BCKDK: variants seen among roughly 807,000 people sequenced by gnomAD.
BCKDK encodes the protein branched chain keto acid dehydrogenase kinase, also known as branched-chain alpha-ketoacid dehydrogenase kinase.
BCKDK carries 28 observed loss-of-function variants against 43.9 expected under a neutral mutation model. The ratio of observed to expected loss-of-function variants is 0.64; its 90% CI spans 0.47 to 0.87. BCKDK has a LOEUF of 0.87. Ranked by LOEUF, BCKDK falls within the 40% of genes least tolerant of loss-of-function variation. BCKDK has a pLI of 0.00. For missense variants in BCKDK, 483 were observed against 581.4 expected, an observed-to-expected ratio of 0.83 and a Z score of 1.74; for synonymous variants, 257 against 234.3, an observed-to-expected ratio of 1.10 and a Z score of -0.88.
At chr16:31,116,457 A>C (rs191373749), downstream of BCKDK, among the ~76,000 whole-genome samples, 1,331 of 150,666 alleles carry the variant, frequency 8.8e-3, 14 homozygotes, top group African/African-American at 0.031. Context: ...TCGGCCTCTC[A>C]AAGTGCTGAG....
Position 31,110,435 on chromosome 16 carries a change from C to G in BCKDK, c.578C>G (p.Thr193Arg). Residue 193 changes from threonine (T) to arginine (R), a missense_variant, in exon 7 of 12, where the codon ACG (threonine) becomes AGG (arginine). Physicochemically the swap from Thr to Arg is moderately conservative, Grantham distance 71. Coordinates refer to ENST00000219794, the MANE Select transcript of BCKDK (RefSeq NM_005881.4). The surrounding 1 kb of genome is among the most constrained non-coding windows in gnomAD (Gnocchi z 5.4). ...EKLVRYFLDK[T>R]LTSRLGIRML... ...CTCGTCCGCTACTTCTTGGACAAGACGCTGACTTCGAGGCTTGGAATCCGC... is the reference window on the plus strand; with the variant it reads ...CTCGTCCGCTACTTCTTGGACAAGAGGCTGACTTCGAGGCTTGGAATCCGC... 6.2e-7 allele frequency: 1 copy of G among 1,613,920 alleles called. No individual in the cohort carries two copies. Among genetic ancestry groups the G allele is most frequent in the South Asian group, 1.1e-5 (1 of 91,084 alleles).
At chr16:31,114,228 T>C (rs1030518459), downstream of BCKDK, among the ~76,000 whole-genome samples, 1 of 151,918 alleles carries the variant, frequency 6.6e-6, no homozygotes, top group South Asian at 2.1e-4. Context: ...AAACGGAGTC[T>C]CAATCTGTTG....
In BCKDK at chr16:31,109,954, C is replaced by T. The variant is rs1052316770; in HGVS notation, c.376-123C>T. The T allele has an allele frequency of 4.8e-6, 7 of 1,456,998 alleles. No individual in the cohort carries two copies. Among genetic ancestry groups the T allele is most frequent in the Non-Finnish European group, 9.6e-7 (1 of 1,042,220 alleles). The allele number at this position is 1,456,998 out of a possible 1,614,324, so 90.3% of individuals were successfully genotyped here. ...GTGTATTCACGGAGCCTGGAAGGGT[C>T]GAAGTGGGGGTTTGATCACGTGGTC... On this transcript the variant is annotated intron_variant, in intron 4 of 11. Transcript: ENST00000219794. The surrounding 1 kb of genome is among the most constrained non-coding windows in gnomAD (Gnocchi z 5.3).
rs1438051281 is a variant in BCKDK, at chr16:31,109,400, C to T, written c.177C>T (p.Ile59=). The part of the protein sequence containing the change: ...TVTSFYNQSA[I]DAAAEKPSVR... ...CCTCCTTTTACAACCAGTCGGCCAT[C>T]GACGCGGCAGCGGAGAAGGTGCGCA... The change falls in exon 2 of 12, where the codon ATC becomes ATT. Residue 59 remains isoleucine (I), a synonymous_variant. Coordinates refer to ENST00000219794, the MANE Select transcript of BCKDK (RefSeq NM_005881.4). The surrounding 1 kb of genome is among the most constrained non-coding windows in gnomAD (Gnocchi z 5.3). 7 of 1,607,710 alleles carry T rather than the reference C, an allele frequency of 4.4e-6. No individual in the cohort carries two copies. Among genetic ancestry groups the T allele is most frequent in the Admixed American group, 1.7e-5 (1 of 59,640 alleles).
downstream of BCKDK, among the ~76,000 whole-genome samples, chr16:31,114,524 T>G (rs2057436058): frequency 1.3e-5 from 2 of 152,094 alleles, no homozygotes; most frequent in Admixed American, 1.3e-4. Flanking sequence ...GTTTCTTGAT[T>G]TGTAACCTCT....
chr16:31,112,019 C>T lies in BCKDK; in HGVS notation c.1086C>T (p.Pro362=). The change falls in exon 11 of 12, where the codon CCC becomes CCT. Residue 362 remains proline (P), a synonymous_variant. Transcript: ENST00000219794. This position sits in a 1 kb window ranked among gnomAD's most constrained non-coding sequence, Gnocchi z 5.0. The stretch of plus-strand genomic sequence containing the variant: ...TGCATAGTGGCGCCCAGTCAGGACC[C>T]ATGCACGGGTGAGACCCTGCCAGGC... ...LDMHSGAQSG[P]MHGFGFGLPT... is the part of the protein sequence containing the mutation. 1 of 1,614,082 alleles carries T rather than the reference C, an allele frequency of 6.2e-7. No homozygotes were observed.
Position 31,110,130 on chromosome 16 carries a change from T to G in BCKDK, c.423+6T>G. 5 of 1,614,082 alleles carry G rather than the reference T, an allele frequency of 3.1e-6. No homozygotes were observed. Among genetic ancestry groups the G allele is most frequent in the Non-Finnish European group, 4.2e-6 (5 of 1,180,006 alleles). On this transcript the variant is annotated splice_donor_region_variant and intron_variant, in intron 5 of 11. Transcript: ENST00000219794. The surrounding 1 kb of genome is among the most constrained non-coding windows in gnomAD (Gnocchi z 5.4). ...AGCTGACAGACTTCCCTCCGGTGAGTGCTGGGCCAGAGCAGGGTGAGGGGC... is the reference window on the plus strand; with the variant it reads ...AGCTGACAGACTTCCCTCCGGTGAGGGCTGGGCCAGAGCAGGGTGAGGGGC...
At position 31,109,938 on chromosome 16, in the gene BCKDK, C is replaced by T. The variant is rs942452459; in HGVS notation, c.376-139C>T. On this transcript the variant is annotated intron_variant, in intron 4 of 11. Coordinates refer to ENST00000219794, the MANE Select transcript of BCKDK (RefSeq NM_005881.4). The surrounding 1 kb of genome is among the most constrained non-coding windows in gnomAD (Gnocchi z 5.3). The stretch of plus-strand genomic sequence containing the variant: ...TTCAGAAGCCAAAGGTGTGTATTCA[C>T]GGAGCCTGGAAGGGTCGAAGTGGGG... The T allele has an allele frequency of 5.7e-5, 80 of 1,397,658 alleles. No individual in the cohort carries two copies. The highest frequency in any genetic ancestry group is 8.0e-5 in the Non-Finnish European group (79 of 992,676). The allele number at this position is 1,397,658 out of a possible 1,614,324, so 86.6% of individuals were successfully genotyped here.
chr16:31,112,792 C>T (rs1427418961), downstream of BCKDK: 1 of 214,632 alleles, frequency 4.7e-6, no homozygotes, highest in Non-Finnish European at 9.6e-6. The surrounding 1 kb of genome is among the most constrained non-coding windows in gnomAD (Gnocchi z 5.0). Context: ...TCTTGTTGAA[C>T]AAATGTTTCC....
At chr16:31,115,014 T>C (rs1288511214), downstream of BCKDK, among the ~76,000 whole-genome samples, 1 of 151,958 alleles carries the variant, frequency 6.6e-6, no homozygotes, top group African/African-American at 2.4e-5. Context: ...AACCTCCACC[T>C]CCTGGGTTCA....
Position 31,109,508 on chromosome 16 carries a change from T to C in BCKDK, c.196-3T>C. 1 of 1,614,102 alleles carries C rather than the reference T, an allele frequency of 6.2e-7. No individual in the cohort carries two copies. On this transcript the variant is annotated splice_region_variant and splice_polypyrimidine_tract_variant and intron_variant, in intron 2 of 11. Coordinates refer to ENST00000219794, the MANE Select transcript of BCKDK (RefSeq NM_005881.4). This position sits in a 1 kb window ranked among gnomAD's most constrained non-coding sequence, Gnocchi z 5.3. ...TCTGCTCAAGGCCTCTCTCCCTCTC[T>C]AGCCCTCAGTCCGCCTAACGCCCAC...
At position 31,110,286 on chromosome 16, in the gene BCKDK, T is replaced by C; in HGVS notation, c.505T>C (p.Leu169=). ...TGACCACAAGGATGTGGTGACCCTC[T>C]TGGCAGAGGGCCTACGTGAGAGCCG... ...LDDHKDVVTL[L]AEGLRESRKH... Residue 169 remains leucine (L), a synonymous_variant, in exon 6 of 12, where the codon TTG becomes CTG. Coordinates refer to ENST00000219794, the MANE Select transcript of BCKDK (RefSeq NM_005881.4). The surrounding 1 kb of genome is among the most constrained non-coding windows in gnomAD (Gnocchi z 5.4). 1 of 1,613,960 alleles carries C rather than the reference T, an allele frequency of 6.2e-7. No individual in the cohort carries two copies.
chr16:31,116,263 A>G (rs2057445175), downstream of BCKDK, among the ~76,000 whole-genome samples: 1 of 145,436 alleles, frequency 6.9e-6, no homozygotes, highest in South Asian at 2.2e-4. Flanking sequence ...CCCAGGCTGG[A>G]GTGCAATGGC....
chr16:31,109,823 C>T lies in BCKDK; in HGVS notation c.375+40C>T, dbSNP rs778821974. ...ACCTTAGGTCAGCGGGCCACCCTGC[C>T]CCGGGGGCAAGTGGGGAGTCTGGGG... On this transcript the variant is annotated intron_variant, in intron 4 of 11. Transcript: ENST00000219794. This position sits in a 1 kb window ranked among gnomAD's most constrained non-coding sequence, Gnocchi z 5.3. 6.3e-6 allele frequency: 10 copies of T among 1,597,078 alleles called. No homozygotes were observed. Among genetic ancestry groups the T allele is most frequent in the Non-Finnish European group, 3.4e-6 (4 of 1,165,472 alleles).
In BCKDK at chr16:31,112,341, G is replaced by A. The variant is rs915259921; in HGVS notation, c.*76G>A. On this transcript the variant is annotated 3_prime_UTR_variant, in exon 12 of 12. Coordinates refer to ENST00000219794, the MANE Select transcript of BCKDK (RefSeq NM_005881.4). The surrounding 1 kb of genome is among the most constrained non-coding windows in gnomAD (Gnocchi z 5.0). ...CAGGACCTCCCGGGTCAGGCAGGGC[G>A]GCCCCCTGCTCCACACACTGCTGCA... 8.8e-6 allele frequency: 14 copies of A among 1,592,474 alleles called. No individual in the cohort carries two copies. Among genetic ancestry groups the A allele is most frequent in the East Asian group, 2.2e-5 (1 of 44,806 alleles).
rs905896427 is a variant in BCKDK, at chr16:31,109,984, A to G, written c.376-93A>G. On this transcript the variant is annotated intron_variant, in intron 4 of 11. Transcript: ENST00000219794. This position sits in a 1 kb window ranked among gnomAD's most constrained non-coding sequence, Gnocchi z 5.3. ...TGGGGGTTTGATCACGTGGTCGACC[A>G]GCTGGGTGGTGATCCCCATGGGTAG... 6.4e-7 allele frequency: 1 copy of G among 1,561,306 alleles called. No individual in the cohort carries two copies. The highest frequency in any genetic ancestry group is 8.8e-7 in the Non-Finnish European group (1 of 1,133,072).
downstream of BCKDK, among the ~76,000 whole-genome samples, chr16:31,115,083 CCT>C (rs1450123097): frequency 7.3e-5 from 11 of 151,458 alleles, no homozygotes; most frequent in Admixed American, 1.3e-4. Flanking sequence ...CGCCACCACC[CCT>C]GACTGTTTTG....
chr16:31,115,056 C>T (rs2057438590), downstream of BCKDK, among the ~76,000 whole-genome samples: 1 of 151,970 alleles, frequency 6.6e-6, no homozygotes, highest in Admixed American at 6.6e-5. Context: ...TCCCAAGTAG[C>T]TGGGATTACA....
Position 31,112,257 on chromosome 16 carries a change from C to T in BCKDK, c.1231C>T (p.Arg411Trp), listed in dbSNP as rs1289979047. The T allele has an allele frequency of 1.4e-5, 23 of 1,608,818 alleles. No homozygotes were observed. The highest frequency in any genetic ancestry group is 1.7e-4 in the Middle Eastern group (1 of 6,060). ...CATCGATGGCCGGGAGGAAAGCTTCCGGATCTGACCCCACAGCCTTTGGCC... is the reference window on the plus strand; with the variant it reads ...CATCGATGGCCGGGAGGAAAGCTTCTGGATCTGACCCCACAGCCTTTGGCC... ...RHIDGREESF[R>W]I Residue 411 changes from arginine to tryptophan, a missense_variant, in exon 12 of 12, where the codon CGG (arginine) becomes TGG (tryptophan). Transcript: ENST00000219794. The surrounding 1 kb of genome is among the most constrained non-coding windows in gnomAD (Gnocchi z 5.0).
Sources: gnomAD v4.1 joint callset for allele counts (sites outside exome capture counted in the v4.1 genomes callset) on GRCh38, gnomAD v4.1.1 for gene constraint, Gnocchi (gnomAD v3.1) non-coding constraint, MANE v1.5 for transcripts, NCBI Gene and HGNC (gene_info 2026-07-23, HGNC 2026-07-21) for gene names.